The following FRMD4A variants were observed in gnomAD, a reference collection of about 807,000 sequenced individuals.
FRMD4A encodes the protein FERM domain-containing protein 4A.
In FRMD4A, 29 loss-of-function variants were observed where a neutral mutation model predicts 129.1. That is an observed-to-expected ratio of 0.22 (90% CI 0.17 to 0.31). FRMD4A has a LOEUF of 0.31. FRMD4A is among the 10% of genes least tolerant of loss of function. The pLI is 1.00. For synonymous variants in FRMD4A, 634 were observed against 571.6 expected (o/e 1.11, Z -1.56); for missense variants, 1,272 against 1,375.8 (o/e 0.92, Z 1.19).
At chr10:13,885,522 G>A (rs1490966223) in intron 2 of FRMD4A, among the ~76,000 whole-genome samples, 1 of 152,168 alleles carries the variant, frequency 6.6e-6, no homozygotes, top group Non-Finnish European at 1.5e-5. Flanking sequence ...ATGCCTGTAA[G>A]CTCTTCCTCA....
intron 2 of FRMD4A, among the ~76,000 whole-genome samples, chr10:14,264,364 C>T (rs1022414213): frequency 2.6e-5 from 4 of 152,212 alleles, no homozygotes; most frequent in Admixed American, 6.5e-5. Flanking sequence ...TAATTCCATG[C>T]AACCGCTGAT....
At chr10:13,653,916 A>C in intron 23 of FRMD4A, 2 of 180,428 alleles carry the variant, frequency 1.1e-5, no homozygotes, top group African/African-American at 2.3e-5. Flanking sequence ...GCTTCAGGGC[A>C]CCTGATCTCT....
chr10:13,669,066 T>A (rs1010974845), intron 17 of FRMD4A, among the ~76,000 whole-genome samples: 1 of 62,852 alleles, frequency 1.6e-5, no homozygotes, highest in Non-Finnish European at 3.8e-5. Flanking sequence ...AGTTTTTTTT[T>A]TTTTTTTTTT....
At position 13,925,025 on chromosome 10, in the gene FRMD4A, C is replaced by CTGCACTCCA. The variant is rs1440234688; in HGVS notation, c.46-66122_46-66114dup. 4.2e-5 allele frequency among the ~76,000 whole-genome samples: 6 copies of CTGCACTCCA among 142,194 alleles called. No individual in the cohort carries two copies. In the East Asian group the frequency reaches 1.3e-3, roughly 31 times the overall value. 93.3% of individuals were successfully genotyped at this position (142,194 alleles called of 152,430 possible). A position where few individuals can be genotyped will look rare whatever the true frequency, so the allele number is the denominator to read the frequency against. ...GTTGCAGTGAGCCGAGATTGCACCA[C>CTGCACTCCA]TGCACTCCAGCTCTGGTGACAGTGC... is the stretch of plus-strand genomic sequence containing the variant. On this transcript the variant is annotated intron_variant, in intron 2 of 24. Transcript: ENST00000357447.
intron 2 of FRMD4A, among the ~76,000 whole-genome samples, chr10:14,262,466 T>G (rs868718009): frequency 6.6e-6 from 1 of 152,204 alleles, no homozygotes; most frequent in South Asian, 2.1e-4. Flanking sequence ...CTCTCTTGTG[T>G]GTCGAGGCTT....
At chr10:14,196,360 G>A (rs1842473232) in intron 2 of FRMD4A, among the ~76,000 whole-genome samples, 1 of 152,166 alleles carries the variant, frequency 6.6e-6, no homozygotes, top group Non-Finnish European at 1.5e-5. Context: ...CTTCACCCAT[G>A]GACCTAGTAG....
intron 3 of FRMD4A, among the ~76,000 whole-genome samples, chr10:13,833,743 A>G (rs1281130751): frequency 2.0e-5 from 3 of 152,116 alleles, no homozygotes; most frequent in South Asian, 2.1e-4. Flanking sequence ...CCACTAATCT[A>G]TACAGAATTG....
intron 17 of FRMD4A, among the ~76,000 whole-genome samples, chr10:13,669,057 G>GTT (rs56706198): frequency 0.055 from 5,380 of 97,242 alleles, 553 homozygotes; most frequent in Non-Finnish European, 0.076. Context: ...CTGAGCTTTA[G>GTT]TTTTTTTTTT....
chr10:13,703,804 A>G (rs867017536), intron 13 of FRMD4A, among the ~76,000 whole-genome samples: 4 of 152,224 alleles, frequency 2.6e-5, no homozygotes, highest in South Asian at 2.1e-4. Flanking sequence ...CAAGAGATTG[A>G]GACCATCCTG....
At chr10:14,089,320 G>A (rs1239460994) in intron 2 of FRMD4A, among the ~76,000 whole-genome samples, 1 of 152,122 alleles carries the variant, frequency 6.6e-6, no homozygotes, top group Non-Finnish European at 1.5e-5. Context: ...CTTATTCCTT[G>A]TTTCCCCCGC....
chr10:14,289,680 C>T (rs569338620), intron 2 of FRMD4A, among the ~76,000 whole-genome samples: 1 of 152,186 alleles, frequency 6.6e-6, no homozygotes, highest in Non-Finnish European at 1.5e-5. Context: ...ATGATGAAAA[C>T]TTCTAACGGT....
At chr10:14,172,929 A>G (rs1841550062) in intron 2 of FRMD4A, among the ~76,000 whole-genome samples, 1 of 152,226 alleles carries the variant, frequency 6.6e-6, no homozygotes, top group Non-Finnish European at 1.5e-5. Context: ...TGAACATAAC[A>G]GAGATGGGAA....
chr10:13,815,491 T>C (rs964303572), intron 3 of FRMD4A, among the ~76,000 whole-genome samples: 1 of 152,184 alleles, frequency 6.6e-6, no homozygotes, highest in Non-Finnish European at 1.5e-5. Context: ...TTACATGACA[T>C]TGTGTATGCA....
At chr10:13,961,947 A>C (rs1431194103) in intron 2 of FRMD4A, among the ~76,000 whole-genome samples, 2 of 152,250 alleles carry the variant, frequency 1.3e-5, no homozygotes, top group East Asian at 3.9e-4. Context: ...TGAATGAATG[A>C]ATTTACCATT....
chr10:14,304,477 A>G lies in FRMD4A; in HGVS notation c.45+25581T>C, dbSNP rs181932888. Among the ~76,000 whole-genome samples the G allele has an allele frequency of 8.9e-4, 136 of 152,272 alleles. 1 individual carries two copies. Among genetic ancestry groups the G allele is most frequent in the African/African-American group, 3.0e-3 (126 of 41,564 alleles). ...GCGTCTCCTGATTTCTTGCTTCATC[A>G]TACGCTTGTTCATGTTACCTGCCAT... On this transcript the variant is annotated intron_variant, in intron 2 of 24. Transcript: ENST00000357447.
intron 12 of FRMD4A, among the ~76,000 whole-genome samples, chr10:13,733,012 T>C (rs2090414769): frequency 6.6e-6 from 1 of 152,162 alleles, no homozygotes; most frequent in Non-Finnish European, 1.5e-5. Context: ...CATCTAGATG[T>C]CCCAGCAGCT....
chr10:14,277,618 C>A (rs1386719069), intron 2 of FRMD4A, among the ~76,000 whole-genome samples: 2 of 152,252 alleles, frequency 1.3e-5, no homozygotes, highest in Non-Finnish European at 2.9e-5. Flanking sequence ...GCAGCCCGAA[C>A]AAACCAAGAC....
At chr10:13,651,512 G>A in intron 24 of FRMD4A, 1 of 189,888 alleles carries the variant, frequency 5.3e-6, no homozygotes, top group Non-Finnish European at 1.1e-5. Context: ...GGCCAACATG[G>A]CAAAACCCCG....
chr10:13,917,505 G>C (rs1486060805), intron 2 of FRMD4A, among the ~76,000 whole-genome samples: 1 of 151,988 alleles, frequency 6.6e-6, no homozygotes, highest in Non-Finnish European at 1.5e-5. Flanking sequence ...GGCCAGGCTG[G>C]TCTTGAACTC....
Sources: gnomAD v4.1 joint callset for allele counts (sites outside exome capture counted in the v4.1 genomes callset) on GRCh38, gnomAD v4.1.1 for gene constraint, MANE v1.5 for transcripts, NCBI Gene and HGNC (gene_info 2026-07-23, HGNC 2026-07-21) for gene names.